ZNF419: variants seen among roughly 807,000 people sequenced by gnomAD.
ZNF419 encodes the protein zinc finger protein 419.
A neutral mutation model predicts 14.9 loss-of-function variants in ZNF419; 8 were observed. The ratio of observed to expected loss-of-function variants is 0.54; its 90% CI spans 0.32 to 0.97. The LOEUF is 0.97. Among genes scored for constraint, ZNF419 ranks in the 50% least tolerant of loss-of-function variants. The probability of loss-of-function intolerance (pLI) is 0.04; values close to 1 mark genes in which losing one functional copy is unlikely to be tolerated. For missense variants in ZNF419, 595 were observed against 607.2 expected (o/e 0.98, Z 0.21); for synonymous variants, 211 against 205.3 (o/e 1.03, Z -0.24).
chr19:57,494,341 G>C lies in ZNF419; in HGVS notation c.*251G>C. On this transcript the variant is annotated 3_prime_UTR_variant, in exon 5 of 5. Coordinates refer to ENST00000221735, the MANE Select transcript of ZNF419 (RefSeq NM_024691.4). The stretch of plus-strand genomic sequence containing the variant: ...GGGTGACAGGTTATGTACTGTCTCT[G>C]AATCAATATGACCTCACTTAAAACA... 2.1e-6 allele frequency: 1 copy of C among 469,206 alleles called. No individual in the cohort carries two copies. The highest frequency in any genetic ancestry group is 3.6e-6 in the Non-Finnish European group (1 of 280,138). The allele number at this position is 469,206 out of a possible 1,614,324, so 29.1% of individuals were successfully genotyped here. A position where few individuals can be genotyped will look rare whatever the true frequency, so the allele number is the denominator to read the frequency against.
At chr19:57,491,426 C>T (rs1466803867) in intron 2 of ZNF419, 45 bp from the exon 3 acceptor site, 1 of 1,606,886 alleles carries the variant, frequency 6.2e-7, no homozygotes, top group Non-Finnish European at 8.5e-7. Context: ...CTAAATTTCC[C>T]AGTAAGGAGG....
At position 57,492,550 on chromosome 19, in the gene ZNF419, C is replaced by A. The variant is rs116409313; in HGVS notation, c.299-306C>A. The A allele has an allele frequency of 1.3e-3, 962 of 754,060 alleles. 5 individuals are homozygous for A. In the African/African-American group the frequency reaches 0.014, roughly 11 times the overall value. The allele number at this position is 754,060 out of a possible 1,614,324, so 46.7% of individuals were successfully genotyped here. ...TGGACATAACCTTCTGTGCCGTGTT[C>A]CTGTGTCTCCAGCAGCCAAAGTCCT... On this transcript the variant is annotated intron_variant, in intron 4 of 4. Coordinates refer to ENST00000221735, the MANE Select transcript of ZNF419 (RefSeq NM_024691.4).
At chr19:57,490,628 G>T (rs2089460112) in intron 2 of ZNF419, 1 of 157,776 alleles carries the variant, frequency 6.3e-6, no homozygotes, top group Non-Finnish European at 1.4e-5. Flanking sequence ...GGGATTACAG[G>T]CGTGAGCCAC....
At position 57,496,007 on chromosome 19, in the gene ZNF419, A is replaced by T. The variant is rs956116421; in HGVS notation, c.*1917A>T. On this transcript the variant is annotated 3_prime_UTR_variant, in exon 5 of 5. Coordinates refer to ENST00000221735, the MANE Select transcript of ZNF419 (RefSeq NM_024691.4). Reference sequence around the variant, plus strand: ...AAGGAACCAGAACTCCTTAGAGAAGAGGCTGTTTTCAAGTTGTGGCAGAAA... The same window carrying T: ...AAGGAACCAGAACTCCTTAGAGAAGTGGCTGTTTTCAAGTTGTGGCAGAAA... The T allele has an allele frequency of 6.6e-5, 10 of 152,156 alleles. No homozygotes were observed. The highest frequency in any genetic ancestry group is 2.4e-4 in the African/African-American group (10 of 41,434). 9.4% of individuals were successfully genotyped at this position (152,156 alleles called of 1,614,324 possible).
intron 4 of ZNF419, 107 bp from the exon 5 acceptor site, chr19:57,492,749 T>C (rs755017191): frequency 1.4e-6 from 2 of 1,445,872 alleles, no homozygotes; most frequent in East Asian, 4.5e-5. Flanking sequence ...TTATTTCTGC[T>C]AGCAGCCCCA....
At chr19:57,488,157 C>T in intron 1 of ZNF419, 174 bp downstream of exon 1, 2 of 996,826 alleles carry the variant, frequency 2.0e-6, no homozygotes, top group Non-Finnish European at 2.9e-6. Flanking sequence ...AGATGTGAGG[C>T]GCATTCAGCG....
chr19:57,493,772 G>A lies in ZNF419; in HGVS notation c.1215G>A (p.Gly405=), dbSNP rs1408993888. The A allele has an allele frequency of 1.9e-6, 3 of 1,613,964 alleles. No individual in the cohort carries two copies. The highest frequency in any genetic ancestry group is 2.5e-6 in the Non-Finnish European group (3 of 1,179,998). The stretch of plus-strand genomic sequence containing the variant: ...AGCCTTTTAAGTGCAATGAATGTGG[G>A]AGATTCTTTAGAGAGAATTCCACCC... ...GEKPFKCNEC[G]RFFRENSTLV... Residue 405 remains glycine (G), a synonymous_variant, in exon 5 of 5, where the codon GGG becomes GGA. Coordinates refer to ENST00000221735, the MANE Select transcript of ZNF419 (RefSeq NM_024691.4).
At chr19:57,489,484 C>CTTTTTTTTTTTTT (rs10602834) in intron 1 of ZNF419, 1 of 85,430 alleles carries the variant, frequency 1.2e-5, no homozygotes, top group Non-Finnish European at 2.3e-5. Flanking sequence ...TTCTTTCTTT[C>CTTTTTTTTTTTTT]TTTTTTTTTT....
At position 57,490,180 on chromosome 19, in the gene ZNF419, G is replaced by A; in HGVS notation, c.67G>A (p.Glu23Lys). The part of the protein sequence containing the change: ...PVAADLLTDH[E>K]EGYVTFEDVA... ...GGCTGCAGACTTGCTTACAGACCATGAGGAGGTAAGTGGAGGATGTCTCAG... is the reference window on the plus strand; with the variant it reads ...GGCTGCAGACTTGCTTACAGACCATAAGGAGGTAAGTGGAGGATGTCTCAG... Residue 23 changes from glutamate to lysine, a missense_variant, in exon 2 of 5, where the codon GAG (glutamate) becomes AAG (lysine). Physicochemically the swap from Glu to Lys is moderately conservative, Grantham distance 56 (BLOSUM62 1). Transcript: ENST00000221735. The A allele has an allele frequency of 6.2e-7, 1 of 1,613,482 alleles. No homozygotes were observed.
In ZNF419 at chr19:57,487,984, G is replaced by C. The variant is rs201210233; in HGVS notation, c.33+1G>C. ...GGCCGCCCTGAGGGACCCCGCTCAG[G>C]TGAGCGCCGCGTCCTCCTGGCCTCC... On this transcript the variant is annotated splice_donor_variant, in intron 1 of 4. Coordinates refer to ENST00000221735, the MANE Select transcript of ZNF419 (RefSeq NM_024691.4). LOFTEE classifies it high-confidence loss of function. 341 of 1,613,702 alleles carry C rather than the reference G, an allele frequency of 2.1e-4. 2 individuals are homozygous for C. In the African/African-American group the frequency reaches 3.0e-3, roughly 14 times the overall value.
intron 1 of ZNF419, 44 bp downstream of exon 1, chr19:57,488,027 T>C (rs371959035): frequency 1.1e-5 from 18 of 1,610,798 alleles, no homozygotes; most frequent in Non-Finnish European, 1.4e-5. Flanking sequence ...CCTAAAGCCC[T>C]GTGAGGGCCG....
At chr19:57,489,755 A>C in intron 1 of ZNF419, 1 of 174,902 alleles carries the variant, frequency 5.7e-6, no homozygotes. Context: ...CTCCCAAAGC[A>C]TTGGGATTAC....
intron 2 of ZNF419, chr19:57,490,824 A>G (rs1358647670): frequency 6.4e-6 from 1 of 156,060 alleles, no homozygotes; most frequent in Non-Finnish European, 1.4e-5. Context: ...TAAGGCCAAC[A>G]TGAAGTGATT....
chr19:57,492,252 A>G, intron 4 of ZNF419, 41 bp downstream of exon 4: 2 of 1,583,172 alleles, frequency 1.3e-6, no homozygotes, highest in Non-Finnish European at 1.7e-6. Flanking sequence ...GAACTCAGGG[A>G]TGGATTCATA....
intron 4 of ZNF419, 93 bp from the exon 5 acceptor site, chr19:57,492,763 A>C: frequency 6.6e-7 from 1 of 1,520,010 alleles, no homozygotes; most frequent in Non-Finnish European, 9.1e-7. Context: ...AGCCCCAGGC[A>C]CTAATTACTG....
Position 57,492,132 on chromosome 19 carries a change from C to T in ZNF419, c.219C>T (p.Thr73=). Residue 73 remains threonine, a synonymous_variant, in exon 4 of 5, where the codon ACC becomes ACT. Coordinates refer to ENST00000221735, the MANE Select transcript of ZNF419 (RefSeq NM_024691.4). ...LASLGLASSK[T]HEITQLESWE... ...CCTTAGGACTTGCATCTTCCAAGACCCATGAAATAACCCAGCTGGAGTCAT... is the reference window on the plus strand; with the variant it reads ...CCTTAGGACTTGCATCTTCCAAGACTCATGAAATAACCCAGCTGGAGTCAT... 15 of 1,613,124 alleles carry T rather than the reference C, an allele frequency of 9.3e-6. No individual in the cohort carries two copies. The highest frequency in any genetic ancestry group is 1.3e-5 in the Non-Finnish European group (15 of 1,179,708).
chr19:57,492,508 T>C (rs2089512892), intron 4 of ZNF419: 1 of 762,522 alleles, frequency 1.3e-6, no homozygotes, highest in East Asian at 2.4e-5. Flanking sequence ...TTGGTTGCAG[T>C]TGGTTTTTTC....
rs1311462657 is a variant in ZNF419 at position 57,490,012 on chromosome 19, G to A, written c.34-135G>A. 5.3e-6 allele frequency: 4 copies of A among 751,256 alleles called. No individual in the cohort carries two copies. In the African/African-American group the frequency reaches 6.9e-5, roughly 13 times the overall value. The allele number at this position is 751,256 out of a possible 1,614,324, so 46.5% of individuals were successfully genotyped here. ...AGCACTTTTCCAAGGGCACACAACA[G>A]GTAAGAGGCATCACTAAGAACCAAA... On this transcript the variant is annotated intron_variant, in intron 1 of 4. Coordinates refer to ENST00000221735, the MANE Select transcript of ZNF419 (RefSeq NM_024691.4).
chr19:57,489,830 GA>G, intron 1 of ZNF419: 1 of 242,520 alleles, frequency 4.1e-6, no homozygotes, highest in East Asian at 1.0e-4. Context: ...TATTTGCGCT[GA>G]AAATGTTGAC....
Sources: allele counts gnomAD v4.1 joint callset, GRCh38; gene constraint gnomAD v4.1.1; transcripts MANE v1.5; gene names NCBI Gene and HGNC (gene_info 2026-07-23, HGNC 2026-07-21).